The following SLC25A48 variants were observed in gnomAD, a reference collection of about 807,000 sequenced individuals.
SLC25A48 encodes the protein solute carrier family 25 member 48.
SLC25A48 carries 29 observed loss-of-function variants against 32.2 expected under a neutral mutation model. The ratio of observed to expected loss-of-function variants is 0.90; its 90% CI spans 0.67 to 1.23. The LOEUF (loss-of-function observed/expected upper bound fraction) is 1.23. Ranked by LOEUF, SLC25A48 falls within the 50% of genes most tolerant of loss-of-function variation. SLC25A48 has a pLI of 0.00. For synonymous variants in SLC25A48, 164 were observed against 172.3 expected (o/e 0.95, Z 0.38); for missense variants, 399 against 422.7 (o/e 0.94, Z 0.49).
intron 4 of SLC25A48, chr5:135,813,222 G>C (rs966328935): frequency 6.6e-6 from 1 of 152,342 alleles, no homozygotes; most frequent in African/African-American, 2.4e-5. Context: ...ACTCAAATGG[G>C]GAAGCCACAG....
At chr5:135,741,514 G>T (rs1350541971) in intron 3 of SLC25A48, among the ~76,000 whole-genome samples, 1 of 152,162 alleles carries the variant, frequency 6.6e-6, no homozygotes, top group Non-Finnish European at 1.5e-5. Context: ...AAGGCAGGGG[G>T]ATGCTTTGAG....
intron 1 of SLC25A48, among the ~76,000 whole-genome samples, chr5:135,620,956 A>G (rs939540750): frequency 5.3e-5 from 8 of 152,158 alleles, no homozygotes; most frequent in African/African-American, 1.7e-4. Context: ...GGCAAATCCC[A>G]GCTAAGCAGG....
intron 3 of SLC25A48, among the ~76,000 whole-genome samples, chr5:135,646,502 T>G (rs764195227): frequency 3.9e-5 from 6 of 151,910 alleles, no homozygotes; most frequent in Non-Finnish European, 8.8e-5. Flanking sequence ...TCAGTTTCCT[T>G]AGCTGTAAGA....
At chr5:135,616,516 C>T (rs1752196128) in intron 1 of SLC25A48, among the ~76,000 whole-genome samples, 1 of 152,184 alleles carries the variant, frequency 6.6e-6, no homozygotes. Context: ...AACTGTAGCC[C>T]CTTTCTTTTG....
intron 4 of SLC25A48, among the ~76,000 whole-genome samples, chr5:135,854,803 G>T (rs1264026999): frequency 1.3e-5 from 2 of 152,196 alleles, no homozygotes; most frequent in Non-Finnish European, 2.9e-5. Context: ...TTGGGCAAAA[G>T]AGGCTTAGCT....
chr5:135,846,629 A>G (rs1759445566), intron 2 of SLC25A48, among the ~76,000 whole-genome samples: 1 of 152,108 alleles, frequency 6.6e-6, no homozygotes, highest in Admixed American at 6.5e-5. Context: ...GAAACCATGA[A>G]CTGGAGTAGC....
At chr5:135,784,158 G>A (rs1756783530) in intron 3 of SLC25A48, among the ~76,000 whole-genome samples, 2 of 115,730 alleles carry the variant, frequency 1.7e-5, no homozygotes, top group African/African-American at 5.2e-5. Flanking sequence ...GGAAAAAGGG[G>A]ACGACATTAC....
chr5:135,880,277 A>AGTG, intron 7 of SLC25A48, 180 bp downstream of exon 7: 2 of 908,924 alleles, frequency 2.2e-6, no homozygotes, highest in Non-Finnish European at 3.2e-6. Flanking sequence ...AATGCCCACC[A>AGTG]GTGACTGGTG....
intron 1 of SLC25A48, among the ~76,000 whole-genome samples, chr5:135,582,261 G>A (rs749911314): frequency 1.5e-4 from 23 of 152,238 alleles, no homozygotes; most frequent in Admixed American, 5.9e-4. Flanking sequence ...GGCGTTGTAC[G>A]AGGTGCTGGG....
rs553285174 is a variant in SLC25A48, at chr5:135,773,950, A to T, written c.-520-38573A>T. ...GATATTACTCCCAATAACCCAGAGG[A>T]TGTAAACTTCCCCTGAGATATTGTT... On this transcript the variant is annotated intron_variant, in intron 3 of 10. Transcript: ENST00000646290. Among the ~76,000 whole-genome samples, 8 of 151,688 alleles carry T rather than the reference A, an allele frequency of 5.3e-5. No homozygotes were observed. In the East Asian group the frequency reaches 1.6e-3, roughly 29 times the overall value.
chr5:135,873,700 G>A (rs1013014169), intron 5 of SLC25A48, among the ~76,000 whole-genome samples: 1 of 152,122 alleles, frequency 6.6e-6, no homozygotes, highest in African/African-American at 2.4e-5. Context: ...GCCACGTCTC[G>A]AGCACTGGCT....
At chr5:135,636,981 AG>A (rs11297918) in intron 3 of SLC25A48, among the ~76,000 whole-genome samples, 56,545 of 152,050 alleles carry the variant, frequency 0.37, 10,816 homozygotes, top group Middle Eastern at 0.47. Context: ...CGTTACGAGT[AG>A]GGTGGAAATA....
intron 3 of SLC25A48, among the ~76,000 whole-genome samples, chr5:135,709,260 G>A (rs1754595558): frequency 1.3e-5 from 2 of 152,232 alleles, no homozygotes. Flanking sequence ...CTCTGGGAAG[G>A]AACTGGAATT....
rs868482090 is a variant in SLC25A48, at chr5:135,795,496, A to G, written c.-520-17027A>G. On this transcript the variant is annotated intron_variant, in intron 3 of 10. Coordinates refer to the SLC25A48 transcript ENST00000646290. ...CCATGGGGTGTGCACCCCTCCTGTC[A>G]TATTATTCCCAATATTTAGAGGAAA... Among the ~76,000 whole-genome samples the G allele has an allele frequency of 2.6e-5, 4 of 151,726 alleles. No homozygotes were observed. In the South Asian group the frequency reaches 8.3e-4, roughly 31 times the overall value.
chr5:135,828,618 G>A (rs1230063737), intron 4 of SLC25A48, among the ~76,000 whole-genome samples: 1 of 152,256 alleles, frequency 6.6e-6, no homozygotes, highest in Admixed American at 6.5e-5. Flanking sequence ...GTTGCAAGGA[G>A]CCTGAGCCAG....
intron 3 of SLC25A48, among the ~76,000 whole-genome samples, chr5:135,653,035 A>G (rs552961582): frequency 2.6e-5 from 4 of 152,210 alleles, no homozygotes; most frequent in African/African-American, 7.2e-5. Flanking sequence ...CTCTTCTGCC[A>G]TGTGAGAACA....
At chr5:135,718,195 C>T (rs1754854527) in intron 3 of SLC25A48, among the ~76,000 whole-genome samples, 1 of 152,050 alleles carries the variant, frequency 6.6e-6, no homozygotes, top group Non-Finnish European at 1.5e-5. Flanking sequence ...TGACCTCAGG[C>T]CTTGGTGAGG....
At chr5:135,743,254 T>A (rs1308551083) in intron 3 of SLC25A48, among the ~76,000 whole-genome samples, 3 of 150,122 alleles carry the variant, frequency 2.0e-5, no homozygotes, top group Admixed American at 1.3e-4. Flanking sequence ...GTATTTTCAG[T>A]AGAGACGGTG....
rs371652997 is a variant in SLC25A48, at chr5:135,767,701, C to A, written c.-520-44822C>A. On this transcript the variant is annotated intron_variant, in intron 3 of 10. Transcript: ENST00000646290. ...CTCCTATTATTGCAGGGGGTGTACA[C>A]CCACCTGTGATATTGTCCATAATAT... 2.6e-4 allele frequency among the ~76,000 whole-genome samples: 39 copies of A among 151,664 alleles called. No individual in the cohort carries two copies. In the East Asian group the frequency reaches 3.9e-3, roughly 15 times the overall value.
Sources: gnomAD v4.1 joint callset for allele counts (sites outside exome capture counted in the v4.1 genomes callset) on GRCh38, gnomAD v4.1.1 for gene constraint, MANE v1.5 for transcripts, NCBI Gene and HGNC (gene_info 2026-07-23, HGNC 2026-07-21) for gene names.